AKAP13: variants seen among roughly 807,000 people sequenced by gnomAD.
AKAP13 encodes the protein A-kinase anchor protein 13.
A neutral mutation model predicts 264.5 loss-of-function variants in AKAP13; 80 were observed. The observed-to-expected ratio is 0.30, with a 90% CI of 0.25 to 0.36. The LOEUF (loss-of-function observed/expected upper bound fraction) is 0.36. AKAP13 is among the 10% of genes least tolerant of loss of function. The probability of loss-of-function intolerance (pLI) is 1.00; values close to 1 mark genes in which losing one functional copy is unlikely to be tolerated. For missense variants in AKAP13, 3,712 were observed against 3,435.2 expected (o/e 1.08, Z -2.01); for synonymous variants, 1,380 against 1,250.2 (o/e 1.10, Z -2.19).
At chr15:85,452,909 T>G (rs1276183829) in intron 1 of AKAP13, among the ~76,000 whole-genome samples, 1 of 152,118 alleles carries the variant, frequency 6.6e-6, no homozygotes, top group African/African-American at 2.4e-5. Context: ...GAGATCTTAT[T>G]AGTGGTTTTG....
chr15:85,391,272 A>G (rs1409863477), intron 1 of AKAP13, among the ~76,000 whole-genome samples: 1 of 152,200 alleles, frequency 6.6e-6, no homozygotes. Context: ...TAAAAATATT[A>G]GTGAACTCTA....
chr15:85,614,099 T>C (rs1045707110), intron 8 of AKAP13, among the ~76,000 whole-genome samples: 21 of 152,122 alleles, frequency 1.4e-4, no homozygotes, highest in Admixed American at 3.3e-4. Flanking sequence ...ACCAATTTGA[T>C]CTTAGTTATC....
At chr15:85,575,080 A>G (rs1383685523) in intron 5 of AKAP13, 51 bp from the exon 6 acceptor site, 14 of 1,567,508 alleles carry the variant, frequency 8.9e-6, no homozygotes, top group Admixed American at 5.0e-5. Context: ...CGTTAAGCCT[A>G]TGCCTGGGAG....
intron 2 of AKAP13, among the ~76,000 whole-genome samples, chr15:85,518,622 C>A (rs1473132272): frequency 2.0e-5 from 3 of 152,162 alleles, no homozygotes; most frequent in Admixed American, 6.6e-5. Flanking sequence ...TGCTTGAGTT[C>A]AGGAGTTTGA....
At chr15:85,459,466 T>C (rs558327210) in intron 1 of AKAP13, among the ~76,000 whole-genome samples, 1 of 150,446 alleles carries the variant, frequency 6.6e-6, no homozygotes, top group African/African-American at 2.4e-5. Context: ...CCCAAAGTGA[T>C]AGGATTACAA....
chr15:85,725,105 T>G (rs2087534661), intron 26 of AKAP13, among the ~76,000 whole-genome samples: 2 of 152,328 alleles, frequency 1.3e-5, no homozygotes, highest in South Asian at 4.1e-4. Context: ...AGCAATTTAT[T>G]TATTCCCAAA....
intron 8 of AKAP13, among the ~76,000 whole-genome samples, chr15:85,621,701 C>T (rs1474320197): frequency 1.3e-5 from 2 of 152,146 alleles, no homozygotes; most frequent in Non-Finnish European, 2.9e-5. Context: ...TAATGAAGCA[C>T]TTCCATATAC....
chr15:85,593,718 C>T (rs1016488319), intron 8 of AKAP13, among the ~76,000 whole-genome samples: 2 of 152,126 alleles, frequency 1.3e-5, no homozygotes, highest in Admixed American at 6.5e-5. Context: ...ATGTGTGTCT[C>T]ATGCCACCCC....
chr15:85,396,931 T>G (rs1368981795), intron 1 of AKAP13, among the ~76,000 whole-genome samples: 2 of 148,756 alleles, frequency 1.3e-5, no homozygotes, highest in Admixed American at 1.3e-4. Flanking sequence ...TTAAGATAAC[T>G]GTTTCTCTTA....
chr15:85,424,556 A>C (rs1420371275), intron 1 of AKAP13, among the ~76,000 whole-genome samples: 2 of 152,106 alleles, frequency 1.3e-5, no homozygotes, highest in Non-Finnish European at 2.9e-5. Flanking sequence ...TATCCAGACC[A>C]CTCAAGCTTT....
chr15:85,564,082 T>A lies in AKAP13; in HGVS notation c.663-11049T>A, dbSNP rs2078516102. The stretch of plus-strand genomic sequence containing the variant: ...TTGAAGGACTGATAAGAGGATTAAA[T>A]TAGTGTACTTAAAATTTTCTGTCAG... On this transcript the variant is annotated intron_variant, in intron 5 of 36. Coordinates refer to ENST00000394518, the MANE Select transcript of AKAP13 (RefSeq NM_007200.5). 2.0e-5 allele frequency among the ~76,000 whole-genome samples: 3 copies of A among 152,318 alleles called. No individual in the cohort carries two copies. In the South Asian group the frequency reaches 6.2e-4, roughly 32 times the overall value.
chr15:85,457,875 C>T (rs1968867), intron 1 of AKAP13, among the ~76,000 whole-genome samples: 42,818 of 151,976 alleles, frequency 0.28, 8,473 homozygotes, highest in African/African-American at 0.55. Flanking sequence ...GGTGTGGTGG[C>T]TTATGCCTGT....
intron 10 of AKAP13, among the ~76,000 whole-genome samples, chr15:85,654,098 A>C (rs960964062): frequency 1.3e-5 from 2 of 152,266 alleles, no homozygotes; most frequent in African/African-American, 4.8e-5. Flanking sequence ...GAGGTTAGCC[A>C]GGAAAGAGCA....
chr15:85,411,615 C>G (rs1316606987), intron 1 of AKAP13, among the ~76,000 whole-genome samples: 1 of 151,912 alleles, frequency 6.6e-6, no homozygotes, highest in East Asian at 1.9e-4. Flanking sequence ...TTTTTTGTAT[C>G]TTTCGTAGAG....
chr15:85,717,909 G>C, intron 21 of AKAP13, 98 bp from the exon 22 acceptor site: 1 of 1,203,580 alleles, frequency 8.3e-7, no homozygotes, highest in Non-Finnish European at 1.2e-6. Context: ...GTATTCATGT[G>C]TCTTATGAAA....
chr15:85,385,827 T>G lies in AKAP13; in HGVS notation c.-12+5029T>G, dbSNP rs140796302. Reference sequence around the variant, plus strand: ...TTTTACTTGTCTTAATAATGTCTTTTTTTGTTTGTTTGTTTCGAGATGGAG... The same window carrying G: ...TTTTACTTGTCTTAATAATGTCTTTGTTTGTTTGTTTGTTTCGAGATGGAG... On this transcript the variant is annotated intron_variant, in intron 1 of 36. Transcript: ENST00000394518. Among the ~76,000 whole-genome samples the G allele has an allele frequency of 4.1e-3, 626 of 152,332 alleles. 5 individuals are homozygous for G. The highest frequency in any genetic ancestry group is 6.7e-3 in the Non-Finnish European group (454 of 68,022).
At chr15:85,633,339 G>A (rs898453156) in intron 8 of AKAP13, among the ~76,000 whole-genome samples, 3 of 145,710 alleles carry the variant, frequency 2.1e-5, no homozygotes, top group African/African-American at 7.5e-5. Flanking sequence ...TATTCATGCA[G>A]CCTCTTCTTA....
chr15:85,533,878 A>G lies in AKAP13; in HGVS notation c.476A>G (p.His159Arg). 8 of 1,566,280 alleles carry G rather than the reference A, an allele frequency of 5.1e-6. No individual in the cohort carries two copies. The highest frequency in any genetic ancestry group is 2.4e-5 in the South Asian group (2 of 84,912). Residue 159 changes from histidine to arginine, a missense_variant and splice_region_variant, in exon 4 of 37, where the codon CAT (histidine) becomes CGT (arginine). Transcript: ENST00000394518. ...GTATTGGGGACAGATCAGAGTTTGCATGGTGAGAATTTATATGATCTACAA... is the reference window on the plus strand; with the variant it reads ...GTATTGGGGACAGATCAGAGTTTGCGTGGTGAGAATTTATATGATCTACAA... ...WNVLGTDQSLHDAGPRETLMH... is the reference protein window; with the variant it reads ...WNVLGTDQSLRDAGPRETLMH...
intron 5 of AKAP13, among the ~76,000 whole-genome samples, chr15:85,555,938 A>G (rs968260578): frequency 6.6e-6 from 1 of 152,184 alleles, no homozygotes; most frequent in Admixed American, 6.5e-5. Flanking sequence ...TAAAACTTAT[A>G]ACAAAAACCC....
Sources: allele counts gnomAD v4.1 joint callset (sites outside exome capture counted in the v4.1 genomes callset), GRCh38; gene constraint gnomAD v4.1.1; transcripts MANE v1.5; gene names NCBI Gene and HGNC (gene_info 2026-07-23, HGNC 2026-07-21).